TOX: variants seen among roughly 807,000 people sequenced by gnomAD.
The protein encoded by TOX is thymocyte selection-associated high mobility group box protein TOX.
Under a neutral mutation model 53.7 loss-of-function variants are expected in TOX, and 11 were observed. The observed-to-expected ratio is 0.20, with a 90% CI of 0.13 to 0.34. The LOEUF is 0.34. Ranked by LOEUF, TOX falls within the 10% of genes least tolerant of loss-of-function variation. The pLI, the probability that TOX is intolerant of heterozygous loss-of-function variation, is 1.00. For synonymous variants in TOX, 225 were observed against 245.3 expected, an observed-to-expected ratio of 0.92 and a Z score of 0.77; for missense variants, 570 against 664.6, an observed-to-expected ratio of 0.86 and a Z score of 1.56.
At chr8:58,844,729 G>T (rs531723777) in intron 4 of TOX, among the ~76,000 whole-genome samples, 2 of 152,064 alleles carry the variant, frequency 1.3e-5, no homozygotes, top group African/African-American at 4.8e-5. Context: ...GGCCCTAAAT[G>T]TCGCCCTGAT....
At chr8:59,042,307 T>C (rs760165571) in intron 1 of TOX, among the ~76,000 whole-genome samples, 2 of 152,208 alleles carry the variant, frequency 1.3e-5, no homozygotes, top group Non-Finnish European at 2.9e-5. Context: ...ATCCTTCAAA[T>C]ATGACTACTT....
chr8:59,041,372 C>T lies in TOX; in HGVS notation c.102+77514G>A, dbSNP rs115185462. Among the ~76,000 whole-genome samples, 859 of 152,008 alleles carry T rather than the reference C, an allele frequency of 5.7e-3. 4 individuals carry two copies. The highest frequency in any genetic ancestry group is 0.02 in the African/African-American group (819 of 41,354). ...TCCCCAAACTCATCAGGCAGGAGTC[C>T]GTGACCTGTTCCTATGATGCTGTTT... On this transcript the variant is annotated intron_variant, in intron 1 of 8. Coordinates refer to ENST00000361421, the MANE Select transcript of TOX (RefSeq NM_014729.3).
chr8:59,083,014 G>A (rs1804437526), intron 1 of TOX, among the ~76,000 whole-genome samples: 1 of 152,130 alleles, frequency 6.6e-6, no homozygotes, highest in African/African-American at 2.4e-5. Flanking sequence ...GGCTGTGTCT[G>A]GATTTCTGTC....
intron 3 of TOX, among the ~76,000 whole-genome samples, chr8:58,901,640 T>G (rs1479239541): frequency 2.0e-5 from 3 of 152,192 alleles, no homozygotes; most frequent in Non-Finnish European, 4.4e-5. Flanking sequence ...AAATTGGACT[T>G]CTCTACTTCT....
intron 4 of TOX, among the ~76,000 whole-genome samples, chr8:58,842,430 C>CCTT (rs1810661285): frequency 6.6e-6 from 1 of 152,166 alleles, no homozygotes; most frequent in Non-Finnish European, 1.5e-5. Context: ...TCGCCAAGGG[C>CCTT]CTCTTGAGCC....
rs1809957679 is a variant in TOX, at chr8:58,805,431, A to G, written c.*2316T>C. 1.3e-5 allele frequency: 2 copies of G among 152,182 alleles called. No individual in the cohort carries two copies. The highest frequency in any genetic ancestry group is 1.3e-4 in the Admixed American group (2 of 15,282). 9.4% of individuals were successfully genotyped at this position (152,182 alleles called of 1,614,324 possible). ...ATAGAATACGGTCACGCATAATAAC[A>G]GTTTTATTGATGATGTGTTTTCTTT... On this transcript the variant is annotated 3_prime_UTR_variant, in exon 9 of 9. Coordinates refer to ENST00000361421, the MANE Select transcript of TOX (RefSeq NM_014729.3).
chr8:58,983,409 C>G (rs1007672778), intron 1 of TOX, among the ~76,000 whole-genome samples: 2 of 152,134 alleles, frequency 1.3e-5, no homozygotes, highest in Admixed American at 6.5e-5. Flanking sequence ...TTAAAGAACC[C>G]CTGGCATCGA....
At chr8:59,013,904 A>C (rs942027462) in intron 1 of TOX, among the ~76,000 whole-genome samples, 2 of 152,220 alleles carry the variant, frequency 1.3e-5, no homozygotes, top group Admixed American at 6.5e-5. Context: ...ACTTTACAGA[A>C]TAATCATGTC....
chr8:59,073,121 G>T (rs1265784399), intron 1 of TOX, among the ~76,000 whole-genome samples: 1 of 152,028 alleles, frequency 6.6e-6, no homozygotes, highest in Non-Finnish European at 1.5e-5. Context: ...CTCTTTAATG[G>T]GTCTCTTATA....
At chr8:59,066,832 C>A (rs556131195) in intron 1 of TOX, among the ~76,000 whole-genome samples, 2 of 152,332 alleles carry the variant, frequency 1.3e-5, no homozygotes, top group African/African-American at 4.8e-5. Context: ...TCTCAACTTA[C>A]AAGCTTGAGG....
At chr8:58,807,918 C>T (rs1332040384) in intron 8 of TOX, 135 bp from the exon 9 acceptor site, 1 of 1,304,752 alleles carries the variant, frequency 7.7e-7, no homozygotes, top group Non-Finnish European at 1.1e-6. Context: ...AGTTAACCTA[C>T]ATCTGAAGTG....
chr8:59,045,603 C>T (rs1421635844), intron 1 of TOX, among the ~76,000 whole-genome samples: 3 of 152,028 alleles, frequency 2.0e-5, no homozygotes, highest in Non-Finnish European at 4.4e-5. Flanking sequence ...CATTTTCGGC[C>T]CCTCAAACAT....
intron 1 of TOX, among the ~76,000 whole-genome samples, chr8:59,020,120 T>C (rs1814095153): frequency 6.6e-6 from 1 of 152,238 alleles, no homozygotes; most frequent in African/African-American, 2.4e-5. Flanking sequence ...ACTACAAATT[T>C]TGTGGAAATG....
At chr8:58,856,563 C>T (rs1232833167) in intron 3 of TOX, among the ~76,000 whole-genome samples, 2 of 152,092 alleles carry the variant, frequency 1.3e-5, no homozygotes, top group East Asian at 3.9e-4. Context: ...TGGCAGAAGC[C>T]TCAAGCTACC....
intron 1 of TOX, among the ~76,000 whole-genome samples, chr8:59,027,221 T>A (rs1364380535): frequency 6.6e-6 from 1 of 152,184 alleles, no homozygotes. Flanking sequence ...AGTAAAACAC[T>A]TGCTTACAAA....
At chr8:59,023,954 T>C (rs1400886983) in intron 1 of TOX, among the ~76,000 whole-genome samples, 1 of 152,092 alleles carries the variant, frequency 6.6e-6, no homozygotes, top group East Asian at 1.9e-4. Context: ...GTTGGGCACA[T>C]GGAAGAAAAG....
Position 58,952,087 on chromosome 8 carries a change from G to C in TOX, c.168+7856C>G, listed in dbSNP as rs1201812460. Reference sequence around the variant, plus strand: ...GAACTGAAACTGCAGAGGGAAACTTGGCACTTTTTTAAAGGTGTTTGAAGT... The same window carrying C: ...GAACTGAAACTGCAGAGGGAAACTTCGCACTTTTTTAAAGGTGTTTGAAGT... On this transcript the variant is annotated intron_variant, in intron 2 of 8. Coordinates refer to ENST00000361421, the MANE Select transcript of TOX (RefSeq NM_014729.3). Among the ~76,000 whole-genome samples, 7 of 152,260 alleles carry C rather than the reference G, an allele frequency of 4.6e-5. No homozygotes were observed. In the East Asian group the frequency reaches 7.7e-4, roughly 17 times the overall value.
intron 3 of TOX, among the ~76,000 whole-genome samples, chr8:58,931,951 G>A (rs1187221726): frequency 6.6e-6 from 1 of 152,086 alleles, no homozygotes; most frequent in Non-Finnish European, 1.5e-5. Context: ...CTATTAAGGA[G>A]AACTCTAGTT....
chr8:58,865,670 A>G (rs1320878844), intron 3 of TOX, among the ~76,000 whole-genome samples: 1 of 152,166 alleles, frequency 6.6e-6, no homozygotes, highest in African/African-American at 2.4e-5. Flanking sequence ...GTAAAAACAA[A>G]AAGAAAAGAA....
Sources: gnomAD v4.1 joint callset for allele counts (sites outside exome capture counted in the v4.1 genomes callset) on GRCh38, gnomAD v4.1.1 for gene constraint, MANE v1.5 for transcripts, NCBI Gene and HGNC (gene_info 2026-07-23, HGNC 2026-07-21) for gene names.